The following L3MBTL4 variants were observed in gnomAD, a reference collection of about 807,000 sequenced individuals.
The protein encoded by L3MBTL4 is L3MBTL histone methyl-lysine binding protein 4, also known as lethal(3)malignant brain tumor-like protein 4.
Under a neutral mutation model 84.5 loss-of-function variants are expected in L3MBTL4, and 70 were observed. The observed-to-expected ratio is 0.83, with a 90% CI of 0.68 to 1.01. The LOEUF is 1.01. Among genes scored for constraint, L3MBTL4 ranks in the 50% least tolerant of loss-of-function variants. The pLI, the probability that L3MBTL4 is intolerant of heterozygous loss-of-function variation, is 0.00. For synonymous variants in L3MBTL4, 274 were observed against 259.8 expected (o/e 1.05, Z -0.52); for missense variants, 715 against 754.8 (o/e 0.95, Z 0.62).
intron 14 of L3MBTL4, among the ~76,000 whole-genome samples, chr18:6,119,902 A>C (rs1484052860): frequency 6.6e-6 from 1 of 152,198 alleles, no homozygotes; most frequent in Non-Finnish European, 1.5e-5. Flanking sequence ...AGGAAGCAAA[A>C]ACAGACCACC....
At chr18:6,405,751 C>T (rs2055708529) in intron 1 of L3MBTL4, among the ~76,000 whole-genome samples, 1 of 152,236 alleles carries the variant, frequency 6.6e-6, no homozygotes, top group Non-Finnish European at 1.5e-5. Context: ...GTCTGAGTGC[C>T]TCCTGCCAGC....
At chr18:6,263,289 A>G (rs1486370933) in intron 5 of L3MBTL4, among the ~76,000 whole-genome samples, 1 of 152,032 alleles carries the variant, frequency 6.6e-6, no homozygotes, top group Non-Finnish European at 1.5e-5. Flanking sequence ...AAAAAAGAAA[A>G]AAAAAAGTAA....
chr18:6,305,065 C>G (rs1380225406), intron 3 of L3MBTL4, among the ~76,000 whole-genome samples: 1 of 152,212 alleles, frequency 6.6e-6, no homozygotes, highest in Non-Finnish European at 1.5e-5. Context: ...TCTGTACGTT[C>G]TTTAGGTGGA....
rs767072554 is a variant in L3MBTL4, at chr18:5,956,215, C to T, written c.*5G>A. 5.0e-6 allele frequency: 8 copies of T among 1,608,708 alleles called. No individual in the cohort carries two copies. In the South Asian group the frequency reaches 5.5e-5, roughly 11 times the overall value. On this transcript the variant is annotated 3_prime_UTR_variant, in exon 19 of 19. Transcript: ENST00000317931. ...TTGGTGCCAGAGGAAGTTCAGGGAG[C>T]CCATTCATCCCCTGACTTCTTGGCC...
chr18:6,343,085 CAA>C (rs1364119211), intron 1 of L3MBTL4, among the ~76,000 whole-genome samples: 1 of 151,962 alleles, frequency 6.6e-6, no homozygotes, highest in Non-Finnish European at 1.5e-5. Context: ...ACATATAAAG[CAA>C]ATATTAACAG....
intron 1 of L3MBTL4, among the ~76,000 whole-genome samples, chr18:6,339,342 A>G (rs11664247): frequency 0.2 from 31,127 of 152,176 alleles, 4,182 homozygotes; most frequent in African/African-American, 0.39. Flanking sequence ...TCAATCAGAA[A>G]TATTTAACAG....
chr18:6,135,668 T>G (rs2144601746), intron 14 of L3MBTL4, among the ~76,000 whole-genome samples: 1 of 152,292 alleles, frequency 6.6e-6, no homozygotes, highest in East Asian at 1.9e-4. Flanking sequence ...GTTCCTCATC[T>G]CCATCTGAGA....
chr18:6,255,986 C>T (rs1236297596), intron 5 of L3MBTL4, among the ~76,000 whole-genome samples: 3 of 152,170 alleles, frequency 2.0e-5, no homozygotes, highest in Admixed American at 2.0e-4. Flanking sequence ...TATATTAAAA[C>T]AGTGATAGTA....
chr18:6,196,069 A>C (rs1241769562), intron 12 of L3MBTL4, among the ~76,000 whole-genome samples: 1 of 151,848 alleles, frequency 6.6e-6, no homozygotes, highest in Non-Finnish European at 1.5e-5. Flanking sequence ...CACACCCAGG[A>C]GAACATCTAC....
chr18:6,197,131 G>A (rs1204791745), intron 12 of L3MBTL4, among the ~76,000 whole-genome samples: 1 of 152,106 alleles, frequency 6.6e-6, no homozygotes, highest in Non-Finnish European at 1.5e-5. Context: ...TATGTTCTGG[G>A]GTAGATGTGC....
intron 14 of L3MBTL4, among the ~76,000 whole-genome samples, chr18:6,125,325 C>T (rs920658544): frequency 6.6e-6 from 1 of 152,166 alleles, no homozygotes; most frequent in African/African-American, 2.4e-5. Context: ...ATAATTTTAA[C>T]AATAACTGCA....
At chr18:6,404,365 G>A (rs1268419793) in intron 1 of L3MBTL4, among the ~76,000 whole-genome samples, 1 of 152,150 alleles carries the variant, frequency 6.6e-6, no homozygotes, top group African/African-American at 2.4e-5. Context: ...AAGAGCATAG[G>A]GGACAAGTGC....
intron 4 of L3MBTL4, among the ~76,000 whole-genome samples, chr18:6,294,729 C>G (rs2050016835): frequency 6.6e-6 from 1 of 152,038 alleles, no homozygotes; most frequent in African/African-American, 2.4e-5. Flanking sequence ...CAAAACAAAA[C>G]AAAACAAAAC....
chr18:6,363,433 C>T (rs867750688), intron 1 of L3MBTL4, among the ~76,000 whole-genome samples: 4 of 152,124 alleles, frequency 2.6e-5, no homozygotes, highest in African/African-American at 7.2e-5. Context: ...AGGGAAAGTC[C>T]ACTCAAGTAC....
chr18:6,379,770 G>T (rs1391698742), intron 1 of L3MBTL4, among the ~76,000 whole-genome samples: 2 of 152,096 alleles, frequency 1.3e-5, no homozygotes, highest in Non-Finnish European at 2.9e-5. Flanking sequence ...ATATTGGAAT[G>T]AAAATTTCTT....
In L3MBTL4 at chr18:6,120,910, T is replaced by C. The variant is rs1440750361; in HGVS notation, c.1199+17284A>G. ...AGATTCAAGTAGGAGCTATTATAAA[T>C]AGCGCTGCTACAAACATTCTGGTGC... On this transcript the variant is annotated intron_variant, in intron 14 of 18. Coordinates refer to ENST00000317931, the MANE Select transcript of L3MBTL4 (RefSeq NM_001330559.2). Among the ~76,000 whole-genome samples, 3 of 152,182 alleles carry C rather than the reference T, an allele frequency of 2.0e-5. No individual in the cohort carries two copies. The East Asian group carries it at 5.8e-4, about 29-fold the overall frequency.
intron 7 of L3MBTL4, among the ~76,000 whole-genome samples, 192 bp from the exon 8 acceptor site, chr18:6,241,641 A>G (rs780493912): frequency 6.6e-6 from 1 of 152,212 alleles, no homozygotes; most frequent in Non-Finnish European, 1.5e-5. Flanking sequence ...CTTAGCACCC[A>G]CAAAAGATTT....
rs191275478 is a variant in L3MBTL4, at chr18:6,286,374, G to A, written c.127+15529C>T. ...AGCTACTCAGGAGGCTGAGGCGGAA[G>A]AATCGCTTGAACCCAGGAGGCAGAG... On this transcript the variant is annotated intron_variant, in intron 4 of 18. Transcript: ENST00000317931. Among the ~76,000 whole-genome samples, 8 of 151,902 alleles carry A rather than the reference G, an allele frequency of 5.3e-5. No homozygotes were observed. The East Asian group carries it at 1.6e-3, about 30-fold the overall frequency.
intron 1 of L3MBTL4, among the ~76,000 whole-genome samples, chr18:6,377,794 C>T (rs1015314394): frequency 1.3e-5 from 2 of 152,094 alleles, no homozygotes; most frequent in Non-Finnish European, 2.9e-5. Flanking sequence ...CATGTGCATG[C>T]GTCTTTAGAG....
Sources: allele counts gnomAD v4.1 joint callset (sites outside exome capture counted in the v4.1 genomes callset), GRCh38; gene constraint gnomAD v4.1.1; transcripts MANE v1.5; gene names NCBI Gene and HGNC (gene_info 2026-07-23, HGNC 2026-07-21).